STPG4: variants seen among roughly 807,000 people sequenced by gnomAD.
STPG4 encodes the protein protein STPG4.
In STPG4, 41 loss-of-function variants were observed where a neutral mutation model predicts 31.5. The observed-to-expected ratio is 1.30, with a 90% CI of 1.01 to 1.69. The LOEUF is 1.69. Among genes scored for constraint, STPG4 ranks in the 40% most tolerant of loss-of-function variants. The probability of loss-of-function intolerance (pLI) is 0.00; values close to 1 mark genes in which losing one functional copy is unlikely to be tolerated. For synonymous variants in STPG4, 141 were observed against 103.0 expected (o/e 1.37, Z -2.24); for missense variants, 375 against 293.4 (o/e 1.28, Z -2.03).
chr2:47,113,959 A>T (rs1408652438), intron 5 of STPG4, among the ~76,000 whole-genome samples: 1 of 151,334 alleles, frequency 6.6e-6, no homozygotes, highest in African/African-American at 2.4e-5. Flanking sequence ...GCGTGAACCC[A>T]GGAGGCAGAG....
intron 5 of STPG4, among the ~76,000 whole-genome samples, chr2:47,122,321 T>C (rs533151174): frequency 1.3e-5 from 2 of 152,330 alleles, no homozygotes; most frequent in African/African-American, 4.8e-5. Flanking sequence ...TTTTCTGATA[T>C]ACAAAGCATT....
At chr2:47,120,879 C>T (rs1222737471) in intron 5 of STPG4, 1 of 152,110 alleles carries the variant, frequency 6.6e-6, no homozygotes, top group Non-Finnish European at 1.5e-5. Context: ...GGTTCCTGTT[C>T]TATCTCACCC....
Position 47,123,922 on chromosome 2 carries a change from C to T in STPG4, c.519+6019G>A, listed in dbSNP as rs182430111. ...TAAATGGGGTATCCATCACCTCAAG[C>T]ATTTATCATTTCTTTATGTTACAAA... On this transcript the variant is annotated intron_variant, in intron 5 of 6. Transcript: ENST00000445927. Among the ~76,000 whole-genome samples the T allele has an allele frequency of 4.6e-5, 7 of 152,192 alleles. No homozygotes were observed. In the East Asian group the frequency reaches 7.7e-4, roughly 17 times the overall value.
intron 3 of STPG4, among the ~76,000 whole-genome samples, chr2:47,147,529 A>G (rs1057082529): frequency 1.1e-4 from 16 of 152,200 alleles, no homozygotes; most frequent in Non-Finnish European, 1.5e-5. Flanking sequence ...TAGAGATTGT[A>G]GAGAGTTGAA....
At chr2:47,089,806 GT>G (rs1160150689) in intron 6 of STPG4, among the ~76,000 whole-genome samples, 1 of 152,206 alleles carries the variant, frequency 6.6e-6, no homozygotes, top group Non-Finnish European at 1.5e-5. Flanking sequence ...TCTGTCCTGA[GT>G]TTTTGGGGGT....
chr2:47,098,376 T>C (rs1042286192), intron 5 of STPG4, among the ~76,000 whole-genome samples: 3 of 152,190 alleles, frequency 2.0e-5, no homozygotes, highest in African/African-American at 7.2e-5. Context: ...TATCTCTATT[T>C]AACAGATGAG....
chr2:47,122,266 A>T (rs529163979), intron 5 of STPG4, among the ~76,000 whole-genome samples: 1 of 152,264 alleles, frequency 6.6e-6, no homozygotes, highest in South Asian at 2.1e-4. Context: ...TGTTGAAAAT[A>T]CTTTTCCTAG....
chr2:47,151,937 G>C (rs919430566), intron 2 of STPG4, among the ~76,000 whole-genome samples: 3 of 123,638 alleles, frequency 2.4e-5, no homozygotes, highest in Non-Finnish European at 4.9e-5. Context: ...TTTTTTTTTT[G>C]TATTTTTAGT....
At chr2:47,093,576 C>T (rs980187879) in intron 5 of STPG4, among the ~76,000 whole-genome samples, 1 of 152,170 alleles carries the variant, frequency 6.6e-6, no homozygotes, top group African/African-American at 2.4e-5. Flanking sequence ...GAGCGACCTG[C>T]CCCTTTTCCC....
intron 6 of STPG4, among the ~76,000 whole-genome samples, chr2:47,087,492 T>A (rs1685480339): frequency 6.6e-6 from 1 of 152,158 alleles, no homozygotes; most frequent in Non-Finnish European, 1.5e-5. Flanking sequence ...CCATCATCTT[T>A]CCCCCGGTGA....
chr2:47,128,428 C>T (rs1686405580), intron 5 of STPG4, among the ~76,000 whole-genome samples: 1 of 152,130 alleles, frequency 6.6e-6, no homozygotes, highest in African/African-American at 2.4e-5. Flanking sequence ...ATCAGAAATA[C>T]CATCTGGGAG....
At chr2:47,146,472 T>A (rs1174726848) in intron 3 of STPG4, among the ~76,000 whole-genome samples, 1 of 151,180 alleles carries the variant, frequency 6.6e-6, no homozygotes, top group East Asian at 1.9e-4. Flanking sequence ...ACTCCTGTAA[T>A]CTCAGCACTT....
At chr2:47,139,816 C>A (rs987281329) in intron 3 of STPG4, among the ~76,000 whole-genome samples, 1 of 152,114 alleles carries the variant, frequency 6.6e-6, no homozygotes, top group Admixed American at 6.6e-5. Flanking sequence ...CATAGTATAT[C>A]TTTCTCCACC....
At chr2:47,096,918 G>A (rs971161669) in intron 5 of STPG4, among the ~76,000 whole-genome samples, 20 of 152,128 alleles carry the variant, frequency 1.3e-4, no homozygotes, top group African/African-American at 3.4e-4. Flanking sequence ...AAATGAGTGA[G>A]TATACCAACT....
chr2:47,151,035 T>C (rs2103807684), intron 3 of STPG4, among the ~76,000 whole-genome samples: 1 of 152,110 alleles, frequency 6.6e-6, no homozygotes, highest in African/African-American at 2.4e-5. Context: ...AGGAAAACAT[T>C]TCTCCCCATG....
intron 5 of STPG4, among the ~76,000 whole-genome samples, chr2:47,099,774 G>A (rs113936529): frequency 1.8e-4 from 27 of 152,382 alleles, no homozygotes; most frequent in African/African-American, 3.4e-4. Context: ...TGGCGCTTGC[G>A]GGCCAGCTGG....
chr2:47,155,226 G>C lies in STPG4; in HGVS notation c.26C>G (p.Ala9Gly). MDQPAVAT[A>G]STSIREDLVG... Reference sequence around the variant, plus strand: ...CAGGTCTTCCCTTATTGAGGTGGAAGCGGTGGCGACGGCTGGCTGGTCCAT... The same window carrying C: ...CAGGTCTTCCCTTATTGAGGTGGAACCGGTGGCGACGGCTGGCTGGTCCAT... The change falls in exon 1 of 7, where the codon GCT (alanine) becomes GGT (glycine). Residue 9 changes from alanine (A) to glycine (G), a missense_variant. By Grantham distance (60) the Ala-to-Gly change is moderately conservative. Coordinates refer to ENST00000445927, the MANE Select transcript of STPG4 (RefSeq NM_001163561.2). 1 of 1,614,216 alleles carries C rather than the reference G, an allele frequency of 6.2e-7. No individual in the cohort carries two copies. Among genetic ancestry groups the C allele is most frequent in the Non-Finnish European group, 8.5e-7 (1 of 1,180,038 alleles).
intron 3 of STPG4, among the ~76,000 whole-genome samples, chr2:47,133,568 A>ATTTTTTTTTTT (rs1347133934): frequency 1.7e-4 from 6 of 36,314 alleles, no homozygotes; most frequent in Non-Finnish European, 3.7e-4. Context: ...AGGCACTCAA[A>ATTTTTTTTTTT]TCTTTTTTTT....
chr2:47,089,553 A>T (rs1425634342), intron 6 of STPG4, among the ~76,000 whole-genome samples: 1 of 152,170 alleles, frequency 6.6e-6, no homozygotes. Context: ...TTCCCCAGCC[A>T]TCTCAAATGA....
Sources: gnomAD v4.1 joint callset for allele counts (sites outside exome capture counted in the v4.1 genomes callset) on GRCh38, gnomAD v4.1.1 for gene constraint, MANE v1.5 for transcripts, NCBI Gene and HGNC (gene_info 2026-07-23, HGNC 2026-07-21) for gene names.